The following GPC2 variants were observed in gnomAD, a reference collection of about 807,000 sequenced individuals.
GPC2 encodes the protein glypican-2.
GPC2 carries 42 observed loss-of-function variants against 57.3 expected under a neutral mutation model. The ratio of observed to expected loss-of-function variants is 0.73; its 90% CI spans 0.57 to 0.95. The LOEUF (loss-of-function observed/expected upper bound fraction) is 0.95. Ranked by LOEUF, GPC2 falls within the 40% of genes least tolerant of loss-of-function variation. The pLI is 0.00. For synonymous variants in GPC2, 364 were observed against 343.4 expected (o/e 1.06, Z -0.66); for missense variants, 745 against 793.6 (o/e 0.94, Z 0.74).
intron 1 of GPC2, 32 bp downstream of exon 1, chr7:100,177,002 C>T (rs990326246): frequency 1.1e-5 from 6 of 553,614 alleles, no homozygotes; most frequent in African/African-American, 8.1e-5. Flanking sequence ...GCCCCCCACC[C>T]CCAATTCTCT....
intron 1 of GPC2, 150 bp downstream of exon 1, chr7:100,176,883 TA>T: frequency 1.7e-6 from 1 of 605,520 alleles, no homozygotes; most frequent in Non-Finnish European, 2.7e-6. Context: ...GTGATCCCGG[TA>T]AGGAAGTTAC....
chr7:100,172,173 A>G lies in GPC2; in HGVS notation c.937T>C (p.Phe313Leu), dbSNP rs1799191147. 1.9e-6 allele frequency: 3 copies of G among 1,613,810 alleles called. No homozygotes were observed. Among genetic ancestry groups the G allele is most frequent in the Non-Finnish European group, 2.5e-6 (3 of 1,179,966 alleles). Residue 313 changes from phenylalanine (F) to leucine (L), a missense_variant, in exon 6 of 10, where the codon TTT (phenylalanine) becomes CTT (leucine). Phe to Leu is a conservative substitution (Grantham distance 22). This residue lies in a region of GPC2 where 607 missense variants were observed against 603.9 expected (regional missense o/e 1.01). Transcript: ENST00000292377. Reference protein sequence around the residue: ...LADKLQGPFSFELTAESIGVK... With the variant: ...LADKLQGPFSLELTAESIGVK... ...CCAATGGACTCGGCCGTCAGCTCAA[A>G]GGAAAAGGGGCCCTGGAGCTTATCA...
Position 100,173,974 on chromosome 7 carries a change from G to A in GPC2, c.753C>T (p.Ser251=). 6.9e-6 allele frequency: 11 copies of A among 1,588,256 alleles called. No individual in the cohort carries two copies. Among genetic ancestry groups the A allele is most frequent in the Non-Finnish European group, 9.4e-6 (11 of 1,168,100 alleles). Residue 251 remains serine, a synonymous_variant, in exon 5 of 10, where the codon AGC becomes AGT. Coordinates refer to ENST00000292377, the MANE Select transcript of GPC2 (RefSeq NM_152742.3). The stretch of plus-strand genomic sequence containing the variant: ...AGCCGATGAGACGCATCAGAGCCTG[G>A]CTGCAGCCTTCAGACACCGGCACCT... ...ALKVPVSEGC[S]QALMRLIGCP...
At position 100,175,766 on chromosome 7, in the gene GPC2, A is replaced by AG; in HGVS notation, c.453dup (p.Tyr152LeufsTer6). On this transcript the variant is annotated frameshift_variant, in exon 3 of 10. Coordinates refer to ENST00000292377, the MANE Select transcript of GPC2 (RefSeq NM_152742.3). LOFTEE classifies it high-confidence loss of function. ...TCCAACCCCTCACCAGATTCCCCAT[A>AG]GAAGTCTCGCAGCCGAGAGAACAGG... is the stretch of plus-strand genomic sequence containing the variant. The AG allele has an allele frequency of 6.2e-7, 1 of 1,614,146 alleles. No homozygotes were observed. Among genetic ancestry groups the AG allele is most frequent in the Non-Finnish European group, 8.5e-7 (1 of 1,180,022 alleles).
chr7:100,172,689 A>ACACG (rs1562957587), intron 5 of GPC2, among the ~76,000 whole-genome samples: 3 of 106,636 alleles, frequency 2.8e-5, no homozygotes, highest in East Asian at 7.8e-4. Flanking sequence ...GTGTGTGTAT[A>ACACG]TATATATACG....
intron 6 of GPC2, 59 bp downstream of exon 6, chr7:100,172,028 C>A (rs1231174367): frequency 9.4e-6 from 15 of 1,600,524 alleles, no homozygotes; most frequent in African/African-American, 1.3e-5. Context: ...TATACTGCCT[C>A]TCTGACACCC....
chr7:100,171,762 T>C lies in GPC2; in HGVS notation c.1170+17A>G. The C allele has an allele frequency of 1.4e-6, 2 of 1,387,730 alleles. No homozygotes were observed. Among genetic ancestry groups the C allele is most frequent in the East Asian group, 2.9e-5 (1 of 34,684 alleles). 86.0% of individuals were successfully genotyped at this position (1,387,730 alleles called of 1,614,324 possible). A position where few individuals can be genotyped will look rare whatever the true frequency, so the allele number is the denominator to read the frequency against. On this transcript the variant is annotated intron_variant, in intron 7 of 9. Coordinates refer to ENST00000292377, the MANE Select transcript of GPC2 (RefSeq NM_152742.3). This position sits in a 1 kb window ranked among gnomAD's most constrained non-coding sequence, Gnocchi z 4.8. Reference sequence around the variant, plus strand: ...CCCCGGGCCCCCCCGCCCCCAACTCTTGGTCATCCCACGCACCAGCCGGTG... The same window carrying C: ...CCCCGGGCCCCCCCGCCCCCAACTCCTGGTCATCCCACGCACCAGCCGGTG...
chr7:100,170,093 G>T lies in GPC2; in HGVS notation c.*137C>A. On this transcript the variant is annotated 3_prime_UTR_variant, in exon 10 of 10. Transcript: ENST00000292377. ...CCTCTGATGAAAATCTCCTGGATTTGGGGCCCCAGCCATTCACCTGCAAAG... is the reference window on the plus strand; with the variant it reads ...CCTCTGATGAAAATCTCCTGGATTTTGGGCCCCAGCCATTCACCTGCAAAG... 5.8e-6 allele frequency: 5 copies of T among 855,282 alleles called. No homozygotes were observed. The highest frequency in any genetic ancestry group is 5.0e-6 in the Non-Finnish European group (3 of 601,946). The allele number at this position is 855,282 out of a possible 1,614,324, so 53.0% of individuals were successfully genotyped here. A position where few individuals can be genotyped will look rare whatever the true frequency, so the allele number is the denominator to read the frequency against.
chr7:100,176,029 A>C, intron 2 of GPC2, 135 bp from the exon 3 acceptor site: 2 of 615,616 alleles, frequency 3.2e-6, no homozygotes, highest in East Asian at 1.2e-4. Flanking sequence ...ACTCTCAGAG[A>C]TGGGGCAGAC....
chr7:100,174,277 G>A, intron 4 of GPC2: 5 of 519,318 alleles, frequency 9.6e-6, no homozygotes, highest in Non-Finnish European at 1.7e-5. Flanking sequence ...GAGGCGGTCA[G>A]GAGGCAGAAG....
intron 5 of GPC2, among the ~76,000 whole-genome samples, chr7:100,172,835 T>A (rs1377408712): frequency 2.0e-5 from 3 of 149,962 alleles, no homozygotes; most frequent in African/African-American, 4.9e-5. Context: ...ATATATATAT[T>A]TTTTTCCGGT....
chr7:100,170,609 G>C, intron 9 of GPC2, 126 bp from the exon 10 acceptor site: 1 of 873,802 alleles, frequency 1.1e-6, no homozygotes, highest in East Asian at 3.0e-5. Flanking sequence ...TGGATGCCGG[G>C]TTGGGGAAGG....
At chr7:100,170,974 T>G in intron 9 of GPC2, 1 of 315,644 alleles carries the variant, frequency 3.2e-6, no homozygotes. Flanking sequence ...CTCCCCCAAA[T>G]TGCCCCCTCC....
chr7:100,174,322 G>C (rs1799233342), intron 4 of GPC2: 2 of 522,694 alleles, frequency 3.8e-6, no homozygotes, highest in Non-Finnish European at 6.9e-6. Flanking sequence ...GATGGGCAGT[G>C]AGAGAGGCCA....
At chr7:100,173,230 A>G (rs1423617654) in intron 5 of GPC2, among the ~76,000 whole-genome samples, 2 of 152,030 alleles carry the variant, frequency 1.3e-5, no homozygotes, top group Non-Finnish European at 2.9e-5. Context: ...TCCGCCTCCC[A>G]AAGTGCTAGG....
chr7:100,170,630 A>T, intron 9 of GPC2, 147 bp from the exon 10 acceptor site: 1 of 670,030 alleles, frequency 1.5e-6, no homozygotes, highest in Non-Finnish European at 2.3e-6. Flanking sequence ...GAGAAAGACC[A>T]TGAGTGACAG....
chr7:100,172,237 G>A lies in GPC2; in HGVS notation c.893-20C>T, dbSNP rs116665446. ...GACCATCTTAAGGGAGGGAGAGAAA[G>A]AGAAAGGATGGGATGAGTGGTGATA... is the stretch of plus-strand genomic sequence containing the variant. On this transcript the variant is annotated intron_variant, in intron 5 of 9. Coordinates refer to ENST00000292377, the MANE Select transcript of GPC2 (RefSeq NM_152742.3). 1,495 of 1,613,014 alleles carry A rather than the reference G, an allele frequency of 9.3e-4. 10 individuals are homozygous for A. In the African/African-American group the frequency reaches 0.015, roughly 17 times the overall value.
Position 100,171,250 on chromosome 7 carries a change from A to G in GPC2, c.1486+11T>C. 3 of 1,526,938 alleles carry G rather than the reference A, an allele frequency of 2.0e-6. No individual in the cohort carries two copies. The highest frequency in any genetic ancestry group is 2.6e-6 in the Non-Finnish European group (3 of 1,136,078). 94.6% of individuals were successfully genotyped at this position (1,526,938 alleles called of 1,614,324 possible). A position where few individuals can be genotyped will look rare whatever the true frequency, so the allele number is the denominator to read the frequency against. The stretch of plus-strand genomic sequence containing the variant: ...GGGCGGGGCTCAGGCTCAGGGATGC[A>G]GGGGTCTCACCCGCGTCCTGCCCGT... On this transcript the variant is annotated intron_variant, in intron 9 of 9. Coordinates refer to ENST00000292377, the MANE Select transcript of GPC2 (RefSeq NM_152742.3). The surrounding 1 kb of genome is among the most constrained non-coding windows in gnomAD (Gnocchi z 4.8).
intron 5 of GPC2, among the ~76,000 whole-genome samples, chr7:100,172,818 CGTGTATATATAT>C (rs1799208067): frequency 1.4e-5 from 2 of 142,660 alleles, no homozygotes; most frequent in South Asian, 4.4e-4. Context: ...TATATATATA[CGTGTATATATAT>C]ATATTTTTTT....
Sources: gnomAD v4.1 joint callset for allele counts (sites outside exome capture counted in the v4.1 genomes callset) on GRCh38, gnomAD v4.1.1 for gene constraint, gnomAD v4.1.1 regional missense constraint, Gnocchi (gnomAD v3.1) non-coding constraint, MANE v1.5 for transcripts, NCBI Gene and HGNC (gene_info 2026-07-23, HGNC 2026-07-21) for gene names.